NRXN3: variants seen among roughly 807,000 people sequenced by gnomAD.
NRXN3 encodes neurexin 3.
A neutral mutation model predicts 137.6 loss-of-function variants in NRXN3; 32 were observed. That is an observed-to-expected ratio of 0.23 (90% CI 0.18 to 0.31). The LOEUF (loss-of-function observed/expected upper bound fraction) is 0.31. Among genes scored for constraint, NRXN3 ranks in the 10% least tolerant of loss-of-function variants. The probability of loss-of-function intolerance (pLI) is 1.00; values close to 1 mark genes in which losing one functional copy is unlikely to be tolerated. For missense variants in NRXN3, 1,574 were observed against 2,062.5 expected (o/e 0.76, Z 4.59); for synonymous variants, 798 against 784.5 (o/e 1.02, Z -0.29).
At chr14:79,819,626 A>T (rs1020041103) in intron 20 of NRXN3, among the ~76,000 whole-genome samples, 14 of 151,374 alleles carry the variant, frequency 9.2e-5, no homozygotes, top group Non-Finnish European at 2.9e-5. Flanking sequence ...CTGGGACTAA[A>T]GGCGTGAGCC....
intron 20 of NRXN3, among the ~76,000 whole-genome samples, chr14:79,815,306 A>C (rs929329044): frequency 3.3e-5 from 5 of 152,254 alleles, no homozygotes; most frequent in African/African-American, 1.2e-4. Context: ...AAATAGGTAT[A>C]AAAATGAGTA....
At chr14:78,430,504 G>A (rs577287896) in intron 4 of NRXN3, among the ~76,000 whole-genome samples, 1 of 152,308 alleles carries the variant, frequency 6.6e-6, no homozygotes, top group African/African-American at 2.4e-5. Context: ...GACAAAGCCA[G>A]CACCTAAGGT....
chr14:79,218,279 T>C (rs2068894603), intron 15 of NRXN3, among the ~76,000 whole-genome samples: 1 of 152,224 alleles, frequency 6.6e-6, no homozygotes, highest in Non-Finnish European at 1.5e-5. Context: ...CAGACAGATC[T>C]GGGTTTGAAT....
chr14:79,002,543 T>C lies in NRXN3; in HGVS notation c.3262+14402T>C, dbSNP rs140896015. On this transcript the variant is annotated intron_variant, in intron 15 of 20. Coordinates refer to ENST00000335750, the MANE Select transcript of NRXN3 (RefSeq NM_001330195.2). ...TTCATCTACGTCCCTGCAAAGGACA[T>C]GATCTCATTCCTTTTTATGGCTGCA... is the stretch of plus-strand genomic sequence containing the variant. 4.0e-3 allele frequency among the ~76,000 whole-genome samples: 616 copies of C among 152,298 alleles called. 2 individuals are homozygous for C. Among genetic ancestry groups the C allele is most frequent in the African/African-American group, 0.014 (596 of 41,562 alleles).
At chr14:79,072,886 C>T (rs1357525806) in intron 15 of NRXN3, among the ~76,000 whole-genome samples, 8 of 139,234 alleles carry the variant, frequency 5.7e-5, no homozygotes, top group Non-Finnish European at 9.2e-5. Context: ...CTCTCTCTCT[C>T]TTTTTTTTTT....
intron 4 of NRXN3, among the ~76,000 whole-genome samples, chr14:78,499,790 T>C (rs994727525): frequency 6.6e-6 from 1 of 152,206 alleles, no homozygotes; most frequent in Non-Finnish European, 1.5e-5. Context: ...CCTAGCTGGC[T>C]GTTCACTAGA....
chr14:79,419,103 T>C (rs1208352682), intron 15 of NRXN3, among the ~76,000 whole-genome samples: 2 of 152,240 alleles, frequency 1.3e-5, no homozygotes, highest in African/African-American at 4.8e-5. Flanking sequence ...ACAGGGTTAA[T>C]TTGTGAAACT....
At chr14:78,842,967 A>T (rs1283644839) in intron 10 of NRXN3, among the ~76,000 whole-genome samples, 1 of 152,108 alleles carries the variant, frequency 6.6e-6, no homozygotes, top group Non-Finnish European at 1.5e-5. Context: ...GTTCAAACAC[A>T]CATGCTCTAC....
At chr14:78,331,445 A>G (rs2080807949) in intron 4 of NRXN3, among the ~76,000 whole-genome samples, 1 of 152,180 alleles carries the variant, frequency 6.6e-6, no homozygotes, top group African/African-American at 2.4e-5. Flanking sequence ...TAGTTTGAAA[A>G]TGTTCCAAGA....
rs1281684035 is a variant in NRXN3 at position 79,866,978 on chromosome 14, C to T, written c.*5014C>T. ...CGCTAATGAAAAGATCTCTAAATAT[C>T]AGTAAGGGGTTAGCTGCCATTAATA... On this transcript the variant is annotated 3_prime_UTR_variant, in exon 21 of 21. Transcript: ENST00000335750. The T allele has an allele frequency of 1.3e-5, 2 of 152,174 alleles. No homozygotes were observed. The highest frequency in any genetic ancestry group is 2.9e-5 in the Non-Finnish European group (2 of 68,040). The allele number at this position is 152,174 out of a possible 1,614,324, so 9.4% of individuals were successfully genotyped here.
chr14:78,864,762 C>G (rs1567551141), intron 10 of NRXN3, among the ~76,000 whole-genome samples: 1 of 152,080 alleles, frequency 6.6e-6, no homozygotes, highest in Admixed American at 6.6e-5. Flanking sequence ...AGTGGACAGT[C>G]TTGGGGAAGT....
At chr14:78,190,492 A>G (rs2060613060) in intron 1 of NRXN3, among the ~76,000 whole-genome samples, 1 of 152,216 alleles carries the variant, frequency 6.6e-6, no homozygotes, top group African/African-American at 2.4e-5. Flanking sequence ...ATTGGGAAGA[A>G]CATTATACAA....
At chr14:78,394,581 C>A (rs551830586) in intron 4 of NRXN3, among the ~76,000 whole-genome samples, 17 of 151,844 alleles carry the variant, frequency 1.1e-4, no homozygotes, top group Admixed American at 4.6e-4. Context: ...ATAATAACTT[C>A]ATAAAATGAA....
intron 17 of NRXN3, among the ~76,000 whole-genome samples, chr14:79,666,443 A>G (rs201364099): frequency 6.6e-6 from 1 of 152,102 alleles, no homozygotes; most frequent in Non-Finnish European, 1.5e-5. Context: ...TTTTGAGTAC[A>G]GATTTCTTCA....
At chr14:79,303,988 C>T (rs1424462049) in intron 15 of NRXN3, among the ~76,000 whole-genome samples, 1 of 152,056 alleles carries the variant, frequency 6.6e-6, no homozygotes, top group African/African-American at 2.4e-5. Context: ...TTAACATTTG[C>T]TTAATACGTT....
chr14:79,328,524 A>G (rs1201286213), intron 15 of NRXN3, among the ~76,000 whole-genome samples: 1 of 152,234 alleles, frequency 6.6e-6, no homozygotes, highest in East Asian at 1.9e-4. Context: ...ACGAAGTGCC[A>G]TGAGAAGTAC....
chr14:79,861,218 G>A lies in NRXN3; in HGVS notation c.4094-124G>A. ...GGGGTTACCTTGCTTGTCGGACCAA[G>A]GCAGCGATGGTTGTGATGATGATGG... On this transcript the variant is annotated intron_variant, in intron 20 of 20. Coordinates refer to ENST00000335750, the MANE Select transcript of NRXN3 (RefSeq NM_001330195.2). This position sits in a 1 kb window ranked among gnomAD's most constrained non-coding sequence, Gnocchi z 5.4. 6.5e-7 allele frequency: 1 copy of A among 1,534,640 alleles called. No individual in the cohort carries two copies. Among genetic ancestry groups the A allele is most frequent in the South Asian group, 1.2e-5 (1 of 83,910 alleles).
intron 16 of NRXN3, among the ~76,000 whole-genome samples, chr14:79,624,307 T>A (rs1228497276): frequency 6.6e-6 from 1 of 152,206 alleles, no homozygotes; most frequent in Non-Finnish European, 1.5e-5. Context: ...TATCTTTCCA[T>A]TGGTTCACAG....
At chr14:78,556,068 C>T (rs906839826) in intron 4 of NRXN3, among the ~76,000 whole-genome samples, 12 of 152,186 alleles carry the variant, frequency 7.9e-5, no homozygotes, top group Admixed American at 6.5e-4. Flanking sequence ...CCAGCCCTGC[C>T]CCTGTTGCCT....
Sources: gnomAD v4.1 joint callset for allele counts (sites outside exome capture counted in the v4.1 genomes callset) on GRCh38, gnomAD v4.1.1 for gene constraint, Gnocchi (gnomAD v3.1) non-coding constraint, MANE v1.5 for transcripts, NCBI Gene and HGNC (gene_info 2026-07-23, HGNC 2026-07-21) for gene names.